Variants in GULP1 observed in about 807,000 individuals in gnomAD.
GULP1 encodes PTB domain-containing engulfment adapter protein 1.
A neutral mutation model predicts 40.9 loss-of-function variants in GULP1; 19 were observed. The observed-to-expected ratio is 0.46, with a 90% confidence interval of 0.32 to 0.68. The LOEUF (loss-of-function observed/expected upper bound fraction) is 0.68. GULP1 is among the 30% of genes least tolerant of loss of function. The pLI is 0.03. For missense variants in GULP1, 312 were observed against 362.2 expected (o/e 0.86, Z 1.12); for synonymous variants, 119 against 117.6 (o/e 1.01, Z -0.08).
chr2:188,326,046 C>A (rs2040716651), intron 1 of GULP1, among the ~76,000 whole-genome samples: 1 of 152,014 alleles, frequency 6.6e-6, no homozygotes, highest in Non-Finnish European at 1.5e-5. Context: ...TTCTACTATA[C>A]CAGAGTGGGT....
chr2:188,490,926 C>T lies in GULP1; in HGVS notation c.90+7434C>T, dbSNP rs145383305. On this transcript the variant is annotated intron_variant, in intron 4 of 11. Coordinates refer to ENST00000409830, the MANE Select transcript of GULP1 (RefSeq NM_016315.4). ...TCAGGTGATCCTCATACTTCAGCCT[C>T]CTGAGTAGCTGGGACTACAGGCCTG... is the stretch of plus-strand genomic sequence containing the variant. 6.2e-3 allele frequency among the ~76,000 whole-genome samples: 942 copies of T among 152,088 alleles called. 11 individuals are homozygous for T. Among genetic ancestry groups the T allele is most frequent in the African/African-American group, 0.022 (906 of 41,500 alleles).
intron 6 of GULP1, among the ~76,000 whole-genome samples, chr2:188,529,697 G>T (rs1687072051): frequency 6.6e-6 from 1 of 152,108 alleles, no homozygotes; most frequent in South Asian, 2.1e-4. Flanking sequence ...TGCCAGCAGG[G>T]TTAGTTTCCT....
chr2:188,525,023 G>C (rs1231068997), intron 5 of GULP1, among the ~76,000 whole-genome samples: 2 of 151,858 alleles, frequency 1.3e-5, no homozygotes, highest in East Asian at 3.9e-4. Context: ...TCATGCTTCT[G>C]TGTTTAATGA....
At chr2:188,360,905 A>G (rs2045983852) in intron 1 of GULP1, among the ~76,000 whole-genome samples, 1 of 152,112 alleles carries the variant, frequency 6.6e-6, no homozygotes, top group Admixed American at 6.6e-5. Context: ...TAGTTTAGTT[A>G]CCATACAATT....
intron 2 of GULP1, among the ~76,000 whole-genome samples, chr2:188,448,320 A>G (rs1428271278): frequency 6.6e-6 from 1 of 152,134 alleles, no homozygotes; most frequent in Non-Finnish European, 1.5e-5. Flanking sequence ...TTGCTATTCC[A>G]ACTTTTGTTC....
At chr2:188,498,113 TTA>T (rs2153131293) in intron 4 of GULP1, among the ~76,000 whole-genome samples, 1 of 151,918 alleles carries the variant, frequency 6.6e-6, no homozygotes, top group East Asian at 1.9e-4. Flanking sequence ...CCAGTAGAAA[TTA>T]TCTTAGTGTT....
chr2:188,392,692 A>G (rs971079185), intron 2 of GULP1, among the ~76,000 whole-genome samples: 1 of 151,942 alleles, frequency 6.6e-6, no homozygotes, highest in Non-Finnish European at 1.5e-5. Context: ...TAGGTTGTCA[A>G]TTTGTGATCT....
intron 1 of GULP1, among the ~76,000 whole-genome samples, chr2:188,306,097 T>C (rs964723732): frequency 6.6e-6 from 1 of 152,104 alleles, no homozygotes; most frequent in African/African-American, 2.4e-5. Flanking sequence ...CTTAATCCCA[T>C]TTTTCCTCCT....
At chr2:188,554,390 T>C (rs981811192) in intron 7 of GULP1, among the ~76,000 whole-genome samples, 19 of 151,996 alleles carry the variant, frequency 1.3e-4, no homozygotes, top group African/African-American at 4.6e-4. Flanking sequence ...CTTAATTTCT[T>C]TGTCAACCCA....
At chr2:188,573,868 C>A (rs981811685) in intron 9 of GULP1, among the ~76,000 whole-genome samples, 1 of 151,958 alleles carries the variant, frequency 6.6e-6, no homozygotes, top group African/African-American at 2.4e-5. Flanking sequence ...TGAGAGGAGC[C>A]CCTAACACAG....
In GULP1 at chr2:188,577,441, T is replaced by C. The variant is rs1159845925; in HGVS notation, c.610-6824T>C. 2.0e-5 allele frequency among the ~76,000 whole-genome samples: 3 copies of C among 152,110 alleles called. No individual in the cohort carries two copies. The East Asian group carries it at 5.8e-4, about 29-fold the overall frequency. On this transcript the variant is annotated intron_variant, in intron 9 of 11. Coordinates refer to ENST00000409830, the MANE Select transcript of GULP1 (RefSeq NM_016315.4). ...TAAACAAAGGCATAAATTTTAAACA[T>C]GAATTGGTTCAAGAATATTTGATGC...
At chr2:188,370,886 T>C (rs879814513) in intron 1 of GULP1, among the ~76,000 whole-genome samples, 2 of 152,100 alleles carry the variant, frequency 1.3e-5, no homozygotes, top group Admixed American at 6.6e-5. Context: ...TGTGTGATGA[T>C]TGTTGGTTTG....
intron 1 of GULP1, among the ~76,000 whole-genome samples, chr2:188,329,014 G>A (rs558821511): frequency 6.6e-6 from 1 of 152,240 alleles, no homozygotes; most frequent in East Asian, 1.9e-4. Context: ...GACACTCACT[G>A]CATTTATTCT....
intron 3 of GULP1, among the ~76,000 whole-genome samples, chr2:188,478,134 A>G (rs2061171617): frequency 6.6e-6 from 1 of 152,076 alleles, no homozygotes; most frequent in African/African-American, 2.4e-5. Context: ...CACAGGCTTC[A>G]TGTATCATTG....
chr2:188,305,341 G>C (rs939570377), intron 1 of GULP1, among the ~76,000 whole-genome samples: 1 of 152,106 alleles, frequency 6.6e-6, no homozygotes, highest in Non-Finnish European at 1.5e-5. Context: ...TTTGAGGAAG[G>C]CTTCATTATA....
chr2:188,438,279 G>A (rs1360500867), intron 2 of GULP1, among the ~76,000 whole-genome samples: 1 of 151,730 alleles, frequency 6.6e-6, no homozygotes. Flanking sequence ...ACATCTTATT[G>A]GCCAATGCAG....
intron 5 of GULP1, among the ~76,000 whole-genome samples, chr2:188,523,962 A>G (rs187860869): frequency 3.9e-5 from 6 of 152,322 alleles, no homozygotes; most frequent in Admixed American, 2.0e-4. Context: ...TCCACCATTC[A>G]TTAGGTAATA....
chr2:188,468,197 G>C lies in GULP1; in HGVS notation c.-44-9462G>C, dbSNP rs960685063. Among the ~76,000 whole-genome samples the C allele has an allele frequency of 7.9e-4, 120 of 152,132 alleles. 2 individuals are homozygous for C. The highest frequency in any genetic ancestry group is 2.8e-3 in the African/African-American group (118 of 41,542). On this transcript the variant is annotated intron_variant, in intron 2 of 11. Coordinates refer to ENST00000409830, the MANE Select transcript of GULP1 (RefSeq NM_016315.4). ...AGAATGATCTTTGATGTCATTATTAGCTTGTTTACAGTGTTTTCTTTGATG... is the reference window on the plus strand; with the variant it reads ...AGAATGATCTTTGATGTCATTATTACCTTGTTTACAGTGTTTTCTTTGATG...
At chr2:188,490,903 A>G (rs2062315520) in intron 4 of GULP1, among the ~76,000 whole-genome samples, 1 of 152,044 alleles carries the variant, frequency 6.6e-6, no homozygotes, top group African/African-American at 2.4e-5. Context: ...TCCTGGGCTC[A>G]GGTGATCCTC....
Sources: allele counts gnomAD v4.1 joint callset (sites outside exome capture counted in the v4.1 genomes callset), GRCh38; gene constraint gnomAD v4.1.1; transcripts MANE v1.5; gene names NCBI Gene and HGNC (gene_info 2026-07-23, HGNC 2026-07-21).